Variants in ASB18 observed in about 807,000 individuals in gnomAD.
ASB18 encodes ankyrin repeat and SOCS box containing 18, also known as ankyrin repeat and SOCS box protein 18.
In ASB18, 33 loss-of-function variants were observed where a neutral mutation model predicts 33.4. That is an observed-to-expected ratio of 0.99 (90% CI 0.75 to 1.32). The LOEUF (loss-of-function observed/expected upper bound fraction) is 1.32, where lower values mean the gene tolerates loss of function less well. Ranked by LOEUF, ASB18 falls within the 40% of genes most tolerant of loss-of-function variation. ASB18 has a pLI of 0.00. For missense variants in ASB18, 694 were observed against 655.5 expected (o/e 1.06, Z -0.64); for synonymous variants, 295 against 307.6 (o/e 0.96, Z 0.43).
rs574936196 is a variant in ASB18 at position 236,215,020 on chromosome 2, GAAAAAAAA to G, written c.597-162_597-155del. ...GGCGTCAGGAGTTCAAACTAAACTG[GAAAAAAAA>G]AAAAAAAAAAAGAGATTATGGCAAA... On this transcript the variant is annotated intron_variant, in intron 3 of 5. Transcript: ENST00000409749. The surrounding 1 kb of genome is among the most constrained non-coding windows in gnomAD (Gnocchi z 7.2). 8.3e-6 allele frequency among the ~76,000 whole-genome samples: 1 copy of G among 120,092 alleles called. No homozygotes were observed. The highest frequency in any genetic ancestry group is 1.8e-5 in the Non-Finnish European group (1 of 56,024). 78.8% of individuals were successfully genotyped at this position (120,092 alleles called of 152,430 possible). A position where few individuals can be genotyped will look rare whatever the true frequency, so the allele number is the denominator to read the frequency against.
Position 236,223,359 on chromosome 2 carries a change from G to A in ASB18, c.597-8493C>T, listed in dbSNP as rs550289564. Among the ~76,000 whole-genome samples the A allele has an allele frequency of 7.1e-4, 108 of 152,152 alleles. No individual in the cohort carries two copies. The highest frequency in any genetic ancestry group is 2.6e-3 in the African/African-American group (107 of 41,508). On this transcript the variant is annotated intron_variant, in intron 3 of 5. Coordinates refer to ENST00000409749, the MANE Select transcript of ASB18 (RefSeq NM_212556.4). This position sits in a 1 kb window ranked among gnomAD's most constrained non-coding sequence, Gnocchi z 4.6. ...TTCTTTCTCTTTCTCTCATCCCCTGGTCCCAATATACTAGGTGAAGAGGAA... is the reference window on the plus strand; with the variant it reads ...TTCTTTCTCTTTCTCTCATCCCCTGATCCCAATATACTAGGTGAAGAGGAA...
Position 236,259,823 on chromosome 2 carries a change from G to T in ASB18, c.205+4318C>A, listed in dbSNP as rs551787474. Among the ~76,000 whole-genome samples the T allele has an allele frequency of 3.5e-4, 54 of 152,354 alleles. No homozygotes were observed. Among genetic ancestry groups the T allele is most frequent in the African/African-American group, 1.1e-3 (47 of 41,594 alleles). On this transcript the variant is annotated intron_variant, in intron 1 of 5. Transcript: ENST00000409749. The surrounding 1 kb of genome is among the most constrained non-coding windows in gnomAD (Gnocchi z 4.4). ...CCTGCCTAATGCCTGCCTCAGCAGG[G>T]TATGTTCTGTGCTTTCCCCCAATGT...
At position 236,194,246 on chromosome 2, in the gene ASB18, C is replaced by T. The variant is rs1456452048; in HGVS notation, c.*626G>A. On this transcript the variant is annotated 3_prime_UTR_variant, in exon 6 of 6. Coordinates refer to ENST00000409749, the MANE Select transcript of ASB18 (RefSeq NM_212556.4). This position sits in a 1 kb window ranked among gnomAD's most constrained non-coding sequence, Gnocchi z 4.5. ...GGTAGGAGGTGCTCCTGACAAGGTT[C>T]GTTTTGCAAACATTTATTCCTTGAT... Among the ~76,000 whole-genome samples, 1 of 152,166 alleles carries T rather than the reference C, an allele frequency of 6.6e-6. No individual in the cohort carries two copies. Among genetic ancestry groups the T allele is most frequent in the Non-Finnish European group, 1.5e-5 (1 of 68,026 alleles).
Position 236,214,137 on chromosome 2 carries a change from C to A in ASB18, c.1101+225G>T. On this transcript the variant is annotated intron_variant, in intron 4 of 5. Transcript: ENST00000409749. The surrounding 1 kb of genome is among the most constrained non-coding windows in gnomAD (Gnocchi z 6.5). Reference sequence around the variant, plus strand: ...AGAAGGCTTCTAGGCCCCTGTTCCTCAAAATGGGGTCCCAGGAACAGCAGT... The same window carrying A: ...AGAAGGCTTCTAGGCCCCTGTTCCTAAAAATGGGGTCCCAGGAACAGCAGT... 1 of 551,688 alleles carries A rather than the reference C, an allele frequency of 1.8e-6. No homozygotes were observed. Among genetic ancestry groups the A allele is most frequent in the Non-Finnish European group, 3.2e-6 (1 of 316,342 alleles). The allele number at this position is 551,688 out of a possible 1,614,324, so 34.2% of individuals were successfully genotyped here.
At position 236,241,194 on chromosome 2, in the gene ASB18, C is replaced by T; in HGVS notation, c.328+86G>A. The T allele has an allele frequency of 7.4e-7, 1 of 1,344,258 alleles. No homozygotes were observed. The highest frequency in any genetic ancestry group is 1.0e-6 in the Non-Finnish European group (1 of 952,880). 83.3% of individuals were successfully genotyped at this position (1,344,258 alleles called of 1,614,324 possible). ...ACGTTAAACCCAGTGCCACTGTGCC[C>T]AGTCTACACACGGGAGCCTTACACT... On this transcript the variant is annotated intron_variant, in intron 2 of 5. Coordinates refer to ENST00000409749, the MANE Select transcript of ASB18 (RefSeq NM_212556.4). This position sits in a 1 kb window ranked among gnomAD's most constrained non-coding sequence, Gnocchi z 4.2.
intron 4 of ASB18, among the ~76,000 whole-genome samples, chr2:236,198,829 T>C (rs1257848428): frequency 6.6e-6 from 1 of 152,230 alleles, no homozygotes; most frequent in Non-Finnish European, 1.5e-5. Context: ...GACAATAATT[T>C]TGCAAATAAT....
chr2:236,214,492 T>C lies in ASB18; in HGVS notation c.971A>G (p.Tyr324Cys). 2 of 1,506,226 alleles carry C rather than the reference T, an allele frequency of 1.3e-6. No individual in the cohort carries two copies. Among genetic ancestry groups the C allele is most frequent in the South Asian group, 1.2e-5 (1 of 82,040 alleles). 93.3% of individuals were successfully genotyped at this position (1,506,226 alleles called of 1,614,324 possible). Residue 324 changes from tyrosine (Y) to cysteine (C), a missense_variant, in exon 4 of 6, where the codon TAT (tyrosine) becomes TGT (cysteine). By Grantham distance (194) the Tyr-to-Cys change is radical. Transcript: ENST00000409749. The surrounding 1 kb of genome is among the most constrained non-coding windows in gnomAD (Gnocchi z 6.5). ...GCGGCCCAGCGGCGAGGCCCCGCCA[T>C]AGTCGAGCGCGCCCGCGTCGGCGCC... ...RHGADAGALD[Y>C]GGASPLGRVL...
chr2:236,198,697 A>G, intron 4 of ASB18, among the ~76,000 whole-genome samples: 1 of 151,766 alleles, frequency 6.6e-6, no homozygotes, highest in Non-Finnish European at 1.5e-5. Context: ...GTTTTGTTTG[A>G]CCATTTGTTT....
In ASB18 at chr2:236,196,412, C is replaced by A; in HGVS notation, c.1102-27G>T. 1 of 1,301,744 alleles carries A rather than the reference C, an allele frequency of 7.7e-7. No individual in the cohort carries two copies. 80.6% of individuals were successfully genotyped at this position (1,301,744 alleles called of 1,614,324 possible). On this transcript the variant is annotated intron_variant, in intron 4 of 5. Coordinates refer to ENST00000409749, the MANE Select transcript of ASB18 (RefSeq NM_212556.4). This position sits in a 1 kb window ranked among gnomAD's most constrained non-coding sequence, Gnocchi z 5.6. ...TGGTGGGAAGAGGTGAAAGACGCAG[C>A]GTAGGCCGACTGGGTTCTGGGTCTC...
At chr2:236,210,627 T>C (rs1204331368) in intron 4 of ASB18, 4 of 152,228 alleles carry the variant, frequency 2.6e-5, no homozygotes, top group African/African-American at 9.7e-5. Flanking sequence ...CAGAAGGCCT[T>C]TGGGAAATAG....
At position 236,195,109 on chromosome 2, in the gene ASB18, C is replaced by T. The variant is rs1012677113; in HGVS notation, c.1216-52G>A. On this transcript the variant is annotated intron_variant, in intron 5 of 5. Coordinates refer to ENST00000409749, the MANE Select transcript of ASB18 (RefSeq NM_212556.4). The surrounding 1 kb of genome is among the most constrained non-coding windows in gnomAD (Gnocchi z 5.5). ...AATCTGGGCACGTGGAACCAACATA[C>T]GTTTTCTTCTTAGCCAGACCACTGA... 59 of 1,531,578 alleles carry T rather than the reference C, an allele frequency of 3.9e-5. No homozygotes were observed. The highest frequency in any genetic ancestry group is 3.2e-4 in the East Asian group (14 of 43,982). The allele number at this position is 1,531,578 out of a possible 1,614,324, so 94.9% of individuals were successfully genotyped here.
chr2:236,262,731 G>A lies in ASB18; in HGVS notation c.205+1410C>T, dbSNP rs894832827. On this transcript the variant is annotated intron_variant, in intron 1 of 5. Transcript: ENST00000409749. The surrounding 1 kb of genome is among the most constrained non-coding windows in gnomAD (Gnocchi z 5.2). ...AGGGCAATCTTCTAGAGAGATGGAA[G>A]GTACCAAGTTTGGGATCATGGCTCC... is the stretch of plus-strand genomic sequence containing the variant. Among the ~76,000 whole-genome samples, 12 of 152,296 alleles carry A rather than the reference G, an allele frequency of 7.9e-5. No homozygotes were observed. The highest frequency in any genetic ancestry group is 3.9e-4 in the Admixed American group (6 of 15,300).
rs1178839090 is a variant in ASB18, at chr2:236,237,790, G to A, written c.495C>T (p.Thr165=). The change falls in exon 3 of 6, where the codon ACC becomes ACT. Residue 165 remains threonine (T), a synonymous_variant. Transcript: ENST00000409749. This position sits in a 1 kb window ranked among gnomAD's most constrained non-coding sequence, Gnocchi z 6.2. ...GCTGCAGCAGCAGGCGGACGCAGGCGGTGTGGCCCCCGAGGCAGGCCTCGT... is the reference window on the plus strand; with the variant it reads ...GCTGCAGCAGCAGGCGGACGCAGGCAGTGTGGCCCCCGAGGCAGGCCTCGT... The part of the protein sequence containing the change: ...ALHEACLGGH[T]ACVRLLLQHR... The A allele has an allele frequency of 2.8e-6, 4 of 1,439,520 alleles. No homozygotes were observed. The highest frequency in any genetic ancestry group is 1.4e-5 in the South Asian group (1 of 73,088). The allele number at this position is 1,439,520 out of a possible 1,614,324, so 89.2% of individuals were successfully genotyped here. A position where few individuals can be genotyped will look rare whatever the true frequency, so the allele number is the denominator to read the frequency against.
intron 4 of ASB18, among the ~76,000 whole-genome samples, chr2:236,202,003 G>A (rs970005960): frequency 2.6e-5 from 4 of 151,706 alleles, no homozygotes; most frequent in Admixed American, 6.6e-5. Context: ...AGGCTGGGGT[G>A]CAATCACGAG....
At chr2:236,212,511 C>T (rs1466204) in intron 4 of ASB18, among the ~76,000 whole-genome samples, 1 of 151,678 alleles carries the variant, frequency 6.6e-6, no homozygotes, top group African/African-American at 2.4e-5. Flanking sequence ...ATATTGACTC[C>T]TTTTTTTTTC....
In ASB18 at chr2:236,237,601, G is replaced by A. The variant is rs1289626071; in HGVS notation, c.596+88C>T. On this transcript the variant is annotated intron_variant, in intron 3 of 5. Transcript: ENST00000409749. This position sits in a 1 kb window ranked among gnomAD's most constrained non-coding sequence, Gnocchi z 6.2. ...CGGAGGCGGGGGCTGGGACGGAGGC[G>A]GAGGCGGGGTCGGCGGTCTCGTGGG... 62 of 1,135,670 alleles carry A rather than the reference G, an allele frequency of 5.5e-5. No homozygotes were observed. The highest frequency in any genetic ancestry group is 7.1e-5 in the Non-Finnish European group (62 of 872,466). The allele number at this position is 1,135,670 out of a possible 1,614,324, so 70.3% of individuals were successfully genotyped here.
At chr2:236,230,867 T>A (rs966727221) in intron 3 of ASB18, among the ~76,000 whole-genome samples, 1 of 150,514 alleles carries the variant, frequency 6.6e-6, no homozygotes, top group Non-Finnish European at 1.5e-5. Flanking sequence ...CCTAACCATA[T>A]CAAAATTACA....
rs1477613718 is a variant in ASB18 at position 236,213,282 on chromosome 2, T to C, written c.1101+1080A>G. 6.6e-6 allele frequency among the ~76,000 whole-genome samples: 1 copy of C among 152,034 alleles called. No individual in the cohort carries two copies. Among genetic ancestry groups the C allele is most frequent in the Non-Finnish European group, 1.5e-5 (1 of 68,008 alleles). On this transcript the variant is annotated intron_variant, in intron 4 of 5. Transcript: ENST00000409749. The surrounding 1 kb of genome is among the most constrained non-coding windows in gnomAD (Gnocchi z 4.8). ...ACTAGGGGAGTTGTCTCGGGGGATT[T>C]TCTAACCTTTCAGAGGCACAGTCTA...
chr2:236,214,219 G>A lies in ASB18; in HGVS notation c.1101+143C>T. 5.8e-6 allele frequency: 5 copies of A among 866,492 alleles called. No individual in the cohort carries two copies. The highest frequency in any genetic ancestry group is 8.5e-6 in the Non-Finnish European group (5 of 590,152). 53.7% of individuals were successfully genotyped at this position (866,492 alleles called of 1,614,324 possible). ...CAGGCTCTCCCACCCCAGACCGGCA[G>A]AGCAGATTCTGCATTTTCACAAGTC... On this transcript the variant is annotated intron_variant, in intron 4 of 5. Coordinates refer to ENST00000409749, the MANE Select transcript of ASB18 (RefSeq NM_212556.4). This position sits in a 1 kb window ranked among gnomAD's most constrained non-coding sequence, Gnocchi z 6.5.
Sources: allele counts gnomAD v4.1 joint callset (sites outside exome capture counted in the v4.1 genomes callset), GRCh38; gene constraint gnomAD v4.1.1; non-coding constraint Gnocchi (gnomAD v3.1); transcripts MANE v1.5; gene names NCBI Gene and HGNC (gene_info 2026-07-23, HGNC 2026-07-21).